SNX31: variants seen among roughly 807,000 people sequenced by gnomAD.
SNX31 encodes the protein sorting nexin 31, also known as sorting nexin-31.
In SNX31, 58 loss-of-function variants were observed where a neutral mutation model predicts 65.4. That is an observed-to-expected ratio of 0.89 (90% CI 0.72 to 1.10). The LOEUF is 1.10. Among genes scored for constraint, SNX31 ranks in the 50% least tolerant of loss-of-function variants. The pLI, the probability that SNX31 is intolerant of heterozygous loss-of-function variation, is 0.00. For missense variants in SNX31, 523 were observed against 529.7 expected, an observed-to-expected ratio of 0.99 and a Z score of 0.12; for synonymous variants, 181 against 190.1, an observed-to-expected ratio of 0.95 and a Z score of 0.39.
chr8:100,649,254 C>T lies in SNX31; in HGVS notation c.141+20G>A, dbSNP rs773934405. On this transcript the variant is annotated intron_variant, in intron 2 of 13. Coordinates refer to ENST00000311812, the MANE Select transcript of SNX31 (RefSeq NM_152628.4). ...ACCTGTCTCAGTGGATGGGCTCGTA[C>T]CCGCCTCCAATCTGCTCACCTGTTC... 6.2e-7 allele frequency: 1 copy of T among 1,612,784 alleles called. No homozygotes were observed. The highest frequency in any genetic ancestry group is 8.5e-7 in the Non-Finnish European group (1 of 1,178,934).
At chr8:100,635,868 G>GT in intron 3 of SNX31, 29 bp downstream of exon 3, 2 of 1,531,448 alleles carry the variant, frequency 1.3e-6, no homozygotes, top group Non-Finnish European at 9.0e-7. Context: ...CAATAAATCT[G>GT]TTTTTTAAAA....
chr8:100,604,995 T>A lies in SNX31; in HGVS notation c.681+3499A>T, dbSNP rs958251737. 6.6e-6 allele frequency among the ~76,000 whole-genome samples: 1 copy of A among 151,888 alleles called. No homozygotes were observed. The highest frequency in any genetic ancestry group is 1.5e-5 in the Non-Finnish European group (1 of 67,988). On this transcript the variant is annotated intron_variant, in intron 8 of 13. Transcript: ENST00000311812. This position sits in a 1 kb window ranked among gnomAD's most constrained non-coding sequence, Gnocchi z 4.3. ...CTCCCTGCAACCTCTGCCTCCTGGG[T>A]TCAAGAGATTCTCCTGCCTCGGCCT...
Position 100,617,735 on chromosome 8 carries a change from A to C in SNX31, c.322-5T>G, listed in dbSNP as rs375918112. On this transcript the variant is annotated splice_region_variant and splice_polypyrimidine_tract_variant and intron_variant, in intron 4 of 13. Coordinates refer to ENST00000311812, the MANE Select transcript of SNX31 (RefSeq NM_152628.4). ...GGTGGCGATGTCAAATGTATTCTATAAGCAAAAGAAAAGCAAAATAAATTT... is the reference window on the plus strand; with the variant it reads ...GGTGGCGATGTCAAATGTATTCTATCAGCAAAAGAAAAGCAAAATAAATTT... 1.3e-6 allele frequency: 2 copies of C among 1,590,170 alleles called. No homozygotes were observed. Among genetic ancestry groups the C allele is most frequent in the East Asian group, 4.5e-5 (2 of 44,780 alleles).
At chr8:100,650,758 T>C (rs1819941252), upstream of SNX31, among the ~76,000 whole-genome samples, 2 of 152,168 alleles carry the variant, frequency 1.3e-5, no homozygotes, top group East Asian at 1.9e-4. Flanking sequence ...TATCATATAG[T>C]AGTTAAGAGA....
chr8:100,599,802 T>G (rs994522079), intron 9 of SNX31, among the ~76,000 whole-genome samples: 1 of 152,180 alleles, frequency 6.6e-6, no homozygotes, highest in Non-Finnish European at 1.5e-5. Context: ...TGGTAACACC[T>G]TTACGGAAAC....
intron 2 of SNX31, 76 bp downstream of exon 2, chr8:100,649,198 G>A: frequency 1.4e-6 from 2 of 1,462,854 alleles, no homozygotes; most frequent in East Asian, 4.6e-5. Context: ...CAGAGTCAGA[G>A]GAACAGAGCG....
intron 2 of SNX31, among the ~76,000 whole-genome samples, chr8:100,647,871 C>G (rs1819745511): frequency 6.6e-6 from 1 of 152,216 alleles, no homozygotes; most frequent in Non-Finnish European, 1.5e-5. Context: ...AGATCCCTGC[C>G]TCTGCAGTCC....
chr8:100,616,758 C>G (rs1414111395), intron 5 of SNX31, among the ~76,000 whole-genome samples: 1 of 152,146 alleles, frequency 6.6e-6, no homozygotes, highest in Non-Finnish European at 1.5e-5. Context: ...TAAGTCAAGG[C>G]AGGCCCGAAG....
chr8:100,649,137 A>C, intron 2 of SNX31, 137 bp downstream of exon 2: 2 of 750,166 alleles, frequency 2.7e-6, no homozygotes, highest in Non-Finnish European at 4.5e-6. Context: ...CCTTACCAGG[A>C]CCCTGTTTCA....
Position 100,609,215 on chromosome 8 carries a change from C to T in SNX31, c.612-652G>A, listed in dbSNP as rs1816482914. Among the ~76,000 whole-genome samples the T allele has an allele frequency of 6.6e-6, 1 of 152,214 alleles. No homozygotes were observed. The highest frequency in any genetic ancestry group is 2.4e-5 in the African/African-American group (1 of 41,442). On this transcript the variant is annotated intron_variant, in intron 7 of 13. Coordinates refer to ENST00000311812, the MANE Select transcript of SNX31 (RefSeq NM_152628.4). This position sits in a 1 kb window ranked among gnomAD's most constrained non-coding sequence, Gnocchi z 4.9. ...ATTCCAACCATGTTTTCTCTCCTCT[C>T]TCCCTGCCTGGAAGACCAAGGCCCT...
chr8:100,604,899 CT>C lies in SNX31; in HGVS notation c.681+3594del, dbSNP rs1407064645. Among the ~76,000 whole-genome samples the C allele has an allele frequency of 2.0e-5, 3 of 150,874 alleles. No individual in the cohort carries two copies. Among genetic ancestry groups the C allele is most frequent in the South Asian group, 2.1e-4 (1 of 4,760 alleles). ...TTTTAAAGAATGACTGCTTCTTAGT[CT>C]TTTTTTTTCTTTTTTTTTGACAGAG... On this transcript the variant is annotated intron_variant, in intron 8 of 13. Coordinates refer to ENST00000311812, the MANE Select transcript of SNX31 (RefSeq NM_152628.4). The surrounding 1 kb of genome is among the most constrained non-coding windows in gnomAD (Gnocchi z 4.3).
At chr8:100,662,308 T>G (rs953825351) in intron 1 of SNX31, among the ~76,000 whole-genome samples, 1 of 152,240 alleles carries the variant, frequency 6.6e-6, no homozygotes, top group African/African-American at 2.4e-5. Flanking sequence ...AACTGTCATG[T>G]TAAACTGCTA....
At chr8:100,580,156 T>TAAAAAAA (rs10608114) in intron 12 of SNX31, among the ~76,000 whole-genome samples, 2 of 124,492 alleles carry the variant, frequency 1.6e-5, no homozygotes, top group Non-Finnish European at 1.8e-5. Context: ...AGCCTGTCTT[T>TAAAAAAA]AAAAAAAAAA....
chr8:100,575,558 T>C lies in SNX31; in HGVS notation c.1227+1461A>G, dbSNP rs927994067. Among the ~76,000 whole-genome samples, 2 of 152,204 alleles carry C rather than the reference T, an allele frequency of 1.3e-5. No individual in the cohort carries two copies. The highest frequency in any genetic ancestry group is 2.4e-5 in the African/African-American group (1 of 41,456). On this transcript the variant is annotated intron_variant, in intron 13 of 13. Transcript: ENST00000311812. This position sits in a 1 kb window ranked among gnomAD's most constrained non-coding sequence, Gnocchi z 5.1. ...TCACAGTTGTGCTGAGTGTTATCTG[T>C]TGTCCTAGGACAGTGGCTCTCAAAC...
intron 4 of SNX31, chr8:100,618,295 A>C: frequency 6.6e-7 from 1 of 1,524,562 alleles, no homozygotes; most frequent in African/African-American, 1.4e-5. Flanking sequence ...GCTTTTGATA[A>C]AGTCTGCATC....
At chr8:100,617,400 C>G (rs1449348086) in intron 5 of SNX31, among the ~76,000 whole-genome samples, 1 of 152,128 alleles carries the variant, frequency 6.6e-6, no homozygotes, top group African/African-American at 2.4e-5. Flanking sequence ...AAAATTGGTG[C>G]CCCCAGGGAG....
At chr8:100,580,858 C>T (rs1042757746) in intron 12 of SNX31, among the ~76,000 whole-genome samples, 1 of 152,156 alleles carries the variant, frequency 6.6e-6, no homozygotes, top group African/African-American at 2.4e-5. Context: ...AACTAATATA[C>T]TTTATTTTTA....
In SNX31 at chr8:100,629,636, A is replaced by G. The variant is rs957199214; in HGVS notation, c.321+691T>C. 6.6e-6 allele frequency among the ~76,000 whole-genome samples: 1 copy of G among 152,216 alleles called. No homozygotes were observed. Among genetic ancestry groups the G allele is most frequent in the Admixed American group, 6.5e-5 (1 of 15,272 alleles). On this transcript the variant is annotated intron_variant, in intron 4 of 13. Coordinates refer to ENST00000311812, the MANE Select transcript of SNX31 (RefSeq NM_152628.4). The surrounding 1 kb of genome is among the most constrained non-coding windows in gnomAD (Gnocchi z 5.1). ...GCTAAGGATCCAGTTAACTAGTATC[A>G]TATTACTGCGGAACTTAAATTCTTT...
At chr8:100,636,109 C>G in intron 2 of SNX31, 98 bp from the exon 3 acceptor site, 1 of 763,852 alleles carries the variant, frequency 1.3e-6, no homozygotes, top group Non-Finnish European at 2.2e-6. Context: ...CATCCCAGCA[C>G]TTTATTTCAA....
Sources: allele counts gnomAD v4.1 joint callset (sites outside exome capture counted in the v4.1 genomes callset), GRCh38; gene constraint gnomAD v4.1.1; non-coding constraint Gnocchi (gnomAD v3.1); transcripts MANE v1.5; gene names NCBI Gene and HGNC (gene_info 2026-07-23, HGNC 2026-07-21).